The following LPIN2 variants were observed in gnomAD, a reference collection of about 807,000 sequenced individuals.
LPIN2 encodes the protein lipin 2.
Under a neutral mutation model 111.4 loss-of-function variants are expected in LPIN2, and 55 were observed. The observed-to-expected ratio is 0.49, with a 90% CI of 0.40 to 0.62. The LOEUF (loss-of-function observed/expected upper bound fraction) is 0.62, where lower values mean the gene tolerates loss of function less well. Among genes scored for constraint, LPIN2 ranks in the 20% least tolerant of loss-of-function variants. The pLI is 0.00. For synonymous variants in LPIN2, 425 were observed against 414.0 expected (o/e 1.03, Z -0.32); for missense variants, 992 against 1,112.1 (o/e 0.89, Z 1.54).
intron 9 of LPIN2, among the ~76,000 whole-genome samples, chr18:2,929,925 C>G (rs2077189499): frequency 1.3e-5 from 2 of 152,008 alleles, no homozygotes; most frequent in Admixed American, 1.3e-4. Context: ...ATAAAAACAA[C>G]AACAAAAATT....
chr18:2,920,031 AACATGTGTGCGACCC>A lies in LPIN2; in HGVS notation c.*247_*261del, dbSNP rs1478804567. On this transcript the variant is annotated 3_prime_UTR_variant, in exon 20 of 20. Transcript: ENST00000677752. ...AAGGAGGCCCCAGCTCACAGCAGGAAACATGTGTGCGACCCACAAAGGAGGGATCCCAGGCCTCCA... is the reference window on the plus strand; with the variant it reads ...AAGGAGGCCCCAGCTCACAGCAGGAAACAAAGGAGGGATCCCAGGCCTCCA... The A allele has an allele frequency of 5.3e-6, 3 of 563,596 alleles. No individual in the cohort carries two copies. Among genetic ancestry groups the A allele is most frequent in the Admixed American group, 3.0e-5 (1 of 32,826 alleles). The allele number at this position is 563,596 out of a possible 1,614,324, so 34.9% of individuals were successfully genotyped here. A position where few individuals can be genotyped will look rare whatever the true frequency, so the allele number is the denominator to read the frequency against.
chr18:2,931,580 C>T (rs1169711060), intron 8 of LPIN2, 137 bp from the exon 9 acceptor site: 5 of 796,536 alleles, frequency 6.3e-6, no homozygotes, highest in Non-Finnish European at 1.0e-5. Flanking sequence ...TCAGGCATAA[C>T]TTTTCTTAGA....
At chr18:2,956,701 T>C (rs2077621884) in intron 2 of LPIN2, among the ~76,000 whole-genome samples, 1 of 152,222 alleles carries the variant, frequency 6.6e-6, no homozygotes, top group Admixed American at 6.5e-5. Flanking sequence ...AGAAGAATGC[T>C]TCTTTAACAT....
chr18:2,951,449 T>TA (rs10570659), intron 3 of LPIN2, 93 bp from the exon 4 acceptor site: 287 of 831,174 alleles, frequency 3.5e-4, no homozygotes, highest in African/African-American at 3.2e-3. Flanking sequence ...TTCACCATGG[T>TA]AAAAAAAAAA....
At chr18:2,991,880 T>C (rs2078270419) in intron 1 of LPIN2, among the ~76,000 whole-genome samples, 1 of 151,808 alleles carries the variant, frequency 6.6e-6, no homozygotes, top group Admixed American at 6.6e-5. Flanking sequence ...CGTGGTGGCG[T>C]GCACCTGTAA....
rs1224608636 is a variant in LPIN2, at chr18:2,925,055, G to C, written c.1938+169C>G. Among the ~76,000 whole-genome samples the C allele has an allele frequency of 6.6e-6, 1 of 152,234 alleles. No homozygotes were observed. The highest frequency in any genetic ancestry group is 6.5e-5 in the Admixed American group (1 of 15,286). ...AGCCACAGGTTCCCCAGGTGGGCCT[G>C]ATAGCTCTTGGGGGCGGCGGTCGTG... On this transcript the variant is annotated intron_variant, in intron 14 of 19. Transcript: ENST00000677752. The surrounding 1 kb of genome is among the most constrained non-coding windows in gnomAD (Gnocchi z 4.1).
At chr18:2,946,178 T>G (rs752302443) in intron 4 of LPIN2, 14 of 1,610,428 alleles carry the variant, frequency 8.7e-6, no homozygotes, top group Non-Finnish European at 1.2e-5. Flanking sequence ...GGCAGATATT[T>G]TTAATTCCAA....
chr18:2,921,158 G>A (rs564373888), intron 18 of LPIN2: 24 of 559,474 alleles, frequency 4.3e-5, no homozygotes, highest in Admixed American at 9.2e-5. Context: ...CCTGAGGCCC[G>A]ATGGCCCTGC....
At chr18:2,929,214 G>C in intron 9 of LPIN2, 56 bp from the exon 10 acceptor site, 1 of 1,080,240 alleles carries the variant, frequency 9.3e-7, no homozygotes, top group Non-Finnish European at 1.4e-6. Context: ...CCCTATATGA[G>C]ATTATAATAC....
intron 1 of LPIN2, chr18:2,991,090 G>C: frequency 1.9e-6 from 1 of 533,812 alleles, no homozygotes; most frequent in Non-Finnish European, 3.7e-6. Context: ...AAAGGATAGA[G>C]GGGAGGCCTC....
rs2077027426 is a variant in LPIN2 at position 2,919,905 on chromosome 18, C to T, written c.*388G>A. On this transcript the variant is annotated 3_prime_UTR_variant, in exon 20 of 20. Transcript: ENST00000677752. Reference sequence around the variant, plus strand: ...TGAAGACAGCCCTGGTTACAGAAGCCACCTCAACTGCCCAGTGGAAACTGG... The same window carrying T: ...TGAAGACAGCCCTGGTTACAGAAGCTACCTCAACTGCCCAGTGGAAACTGG... 1 of 311,092 alleles carries T rather than the reference C, an allele frequency of 3.2e-6. No individual in the cohort carries two copies. Among genetic ancestry groups the T allele is most frequent in the Non-Finnish European group, 6.3e-6 (1 of 158,102 alleles). 19.3% of individuals were successfully genotyped at this position (311,092 alleles called of 1,614,324 possible).
chr18:2,968,218 C>A (rs12457925), intron 1 of LPIN2, among the ~76,000 whole-genome samples: 1 of 152,104 alleles, frequency 6.6e-6, no homozygotes, highest in Non-Finnish European at 1.5e-5. Flanking sequence ...CTGAATACAC[C>A]GAGTATCCAG....
chr18:2,982,774 A>G (rs1478935098), intron 1 of LPIN2: 1 of 1,235,344 alleles, frequency 8.1e-7, no homozygotes, highest in African/African-American at 1.6e-5. Context: ...AAACATCTTG[A>G]AATTTAACTA....
intron 1 of LPIN2, among the ~76,000 whole-genome samples, chr18:3,000,057 A>G (rs3016716): frequency 0.91 from 132,475 of 145,488 alleles, 61,048 homozygotes; most frequent in East Asian, 0.99. Flanking sequence ...AAAAAGAAGA[A>G]GAGGAGGAGG....
At chr18:3,006,758 A>AC (rs1360673943) in intron 1 of LPIN2, among the ~76,000 whole-genome samples, 7 of 151,106 alleles carry the variant, frequency 4.6e-5, no homozygotes, top group Admixed American at 2.0e-4. Flanking sequence ...AATGGCATGA[A>AC]CCCGGGAGGC....
In LPIN2 at chr18:2,934,263, T is replaced by G. The variant is rs901628885; in HGVS notation, c.1268+88A>C. Reference sequence around the variant, plus strand: ...ATTTAGCTAAAGGACACCATCATCTTGTTCCTTTTTCCTGAGATGAAATGT... The same window carrying G: ...ATTTAGCTAAAGGACACCATCATCTGGTTCCTTTTTCCTGAGATGAAATGT... On this transcript the variant is annotated intron_variant, in intron 8 of 19. Coordinates refer to ENST00000677752, the MANE Select transcript of LPIN2 (RefSeq NM_001375808.2). The G allele has an allele frequency of 2.1e-5, 21 of 1,003,466 alleles. No individual in the cohort carries two copies. The African/African-American group carries it at 3.4e-4, about 16-fold the overall frequency. The allele number at this position is 1,003,466 out of a possible 1,614,324, so 62.2% of individuals were successfully genotyped here. A position where few individuals can be genotyped will look rare whatever the true frequency, so the allele number is the denominator to read the frequency against.
At chr18:2,921,323 T>G (rs1031115981) in intron 18 of LPIN2, 4 of 613,196 alleles carry the variant, frequency 6.5e-6, no homozygotes, top group Middle Eastern at 3.4e-4. Flanking sequence ...AAAGCGTCCT[T>G]CGTATAAATT....
chr18:2,946,786 C>T (rs2143062214), intron 4 of LPIN2: 1 of 476,490 alleles, frequency 2.1e-6, no homozygotes, highest in Non-Finnish European at 3.9e-6. Flanking sequence ...TAACCAAAGA[C>T]CACTAACTCT....
rs2077015123 is a variant in LPIN2 at position 2,919,311 on chromosome 18, T to G, written c.*982A>C. 6.6e-6 allele frequency: 1 copy of G among 151,374 alleles called. No individual in the cohort carries two copies. The highest frequency in any genetic ancestry group is 2.4e-5 in the African/African-American group (1 of 41,248). The allele number at this position is 151,374 out of a possible 1,614,324, so 9.4% of individuals were successfully genotyped here. On this transcript the variant is annotated 3_prime_UTR_variant, in exon 20 of 20. Coordinates refer to ENST00000677752, the MANE Select transcript of LPIN2 (RefSeq NM_001375808.2). Reference sequence around the variant, plus strand: ...GATCCCAAAAGCCAAAGTCACACACTGCTGGCCAGTGCCTTTAAGCAAGCT... The same window carrying G: ...GATCCCAAAAGCCAAAGTCACACACGGCTGGCCAGTGCCTTTAAGCAAGCT...
Sources: allele counts gnomAD v4.1 joint callset (sites outside exome capture counted in the v4.1 genomes callset), GRCh38; gene constraint gnomAD v4.1.1; non-coding constraint Gnocchi (gnomAD v3.1); transcripts MANE v1.5; gene names NCBI Gene and HGNC (gene_info 2026-07-23, HGNC 2026-07-21).